ETV6: variants seen among roughly 807,000 people sequenced by gnomAD.
The protein encoded by ETV6 is transcription factor ETV6.
Under a neutral mutation model 51.1 loss-of-function variants are expected in ETV6, and 16 were observed. The ratio of observed to expected loss-of-function variants is 0.31; its 90% CI spans 0.21 to 0.48. ETV6 has a LOEUF of 0.48. ETV6 is among the 20% of genes least tolerant of loss of function. The probability of loss-of-function intolerance (pLI) is 0.99; values close to 1 mark genes in which losing one functional copy is unlikely to be tolerated. For missense variants in ETV6, 458 were observed against 594.8 expected (o/e 0.77, Z 2.39); for synonymous variants, 240 against 224.1 (o/e 1.07, Z -0.64).
rs1034743145 is a variant in ETV6, at chr12:11,892,361, G to A, written c.*1315G>A. 9.5e-5 allele frequency: 22 copies of A among 232,712 alleles called. No homozygotes were observed. Among genetic ancestry groups the A allele is most frequent in the African/African-American group, 2.9e-4 (13 of 45,170 alleles). 14.4% of individuals were successfully genotyped at this position (232,712 alleles called of 1,614,324 possible). On this transcript the variant is annotated 3_prime_UTR_variant, in exon 8 of 8. Coordinates refer to ENST00000396373, the MANE Select transcript of ETV6 (RefSeq NM_001987.5). ...AGCCTGGGCAGACAGGAAATTCCTC[G>A]GATACATTATTTTTTCTTTCTTTCA...
intron 1 of ETV6, among the ~76,000 whole-genome samples, chr12:11,733,407 CAAAAAA>C (rs11394100): frequency 1.7e-4 from 17 of 101,076 alleles, no homozygotes; most frequent in South Asian, 9.4e-4. Context: ...GACTCCATCT[CAAAAAA>C]AAAAAAAAAA....
At chr12:11,714,793 G>A (rs1029414247) in intron 1 of ETV6, among the ~76,000 whole-genome samples, 4 of 152,150 alleles carry the variant, frequency 2.6e-5, no homozygotes, top group African/African-American at 9.7e-5. Flanking sequence ...AGGGGCATGT[G>A]AGTTGCGTAT....
At chr12:11,781,049 C>T (rs1428415874) in intron 2 of ETV6, among the ~76,000 whole-genome samples, 1 of 152,156 alleles carries the variant, frequency 6.6e-6, no homozygotes, top group Admixed American at 6.5e-5. Flanking sequence ...ATTCTGTTTG[C>T]ATGCTAGGAA....
chr12:11,845,225 A>G (rs1247073703), intron 3 of ETV6, among the ~76,000 whole-genome samples: 1 of 152,226 alleles, frequency 6.6e-6, no homozygotes, highest in African/African-American at 2.4e-5. Flanking sequence ...AGTTTTAGCA[A>G]TGTTAAGGTT....
At chr12:11,872,822 C>A (rs1946903143) in intron 5 of ETV6, among the ~76,000 whole-genome samples, 1 of 152,076 alleles carries the variant, frequency 6.6e-6, no homozygotes, top group Admixed American at 6.6e-5. Flanking sequence ...TCATCTCATT[C>A]CCCAATATCA....
At chr12:11,680,726 G>T (rs578121754) in intron 1 of ETV6, among the ~76,000 whole-genome samples, 1 of 152,268 alleles carries the variant, frequency 6.6e-6, no homozygotes, top group South Asian at 2.1e-4. Flanking sequence ...ACTTCTACAT[G>T]CCTATGATCT....
At position 11,752,546 on chromosome 12, in the gene ETV6, G is replaced by C; in HGVS notation, c.130G>C (p.Glu44Gln). 6.2e-7 allele frequency: 1 copy of C among 1,613,658 alleles called. No individual in the cohort carries two copies. Among genetic ancestry groups the C allele is most frequent in the Non-Finnish European group, 8.5e-7 (1 of 1,179,966 alleles). The change falls in exon 2 of 8, where the codon GAG becomes CAG. Residue 44 changes from glutamate (E) to glutamine (Q), a missense_variant. Around this residue, in one of 4 missense-constraint regions of ETV6, gnomAD observed 84 missense variants for 75.9 expected, o/e 1.11. Coordinates refer to ENST00000396373, the MANE Select transcript of ETV6 (RefSeq NM_001987.5). The stretch of plus-strand genomic sequence containing the variant: ...TCCAGTGCCTCGAGCGCTCAGGATG[G>C]AGGAAGACTCGATCCGCCTGCCTGC... Reference protein sequence around the residue: ...HVPVPRALRMEEDSIRLPAHL... With the variant: ...HVPVPRALRMQEDSIRLPAHL...
chr12:11,841,899 G>A (rs548509382), intron 3 of ETV6, among the ~76,000 whole-genome samples: 15 of 152,008 alleles, frequency 9.9e-5, no homozygotes, highest in Middle Eastern at 3.4e-3. Flanking sequence ...CGGCTAAAAC[G>A]GTGAAACCCC....
At chr12:11,778,561 T>C (rs151122792) in intron 2 of ETV6, among the ~76,000 whole-genome samples, 1 of 152,330 alleles carries the variant, frequency 6.6e-6, no homozygotes, top group African/African-American at 2.4e-5. Flanking sequence ...AGTGAAAACC[T>C]ATGTGGATGT....
At chr12:11,862,602 C>G (rs1336643839) in intron 4 of ETV6, among the ~76,000 whole-genome samples, 1 of 152,148 alleles carries the variant, frequency 6.6e-6, no homozygotes, top group Non-Finnish European at 1.5e-5. Context: ...CCTTGGAGGT[C>G]TCTGCCTTCA....
chr12:11,742,806 T>TC (rs1555122222), intron 1 of ETV6, among the ~76,000 whole-genome samples: 3 of 10,878 alleles, frequency 2.8e-4, no homozygotes, highest in Non-Finnish European at 2.6e-3. Context: ...TCTTTCTTTC[T>TC]TTTTTTTTTT....
At chr12:11,868,744 T>G (rs1336264640) in intron 4 of ETV6, among the ~76,000 whole-genome samples, 1 of 152,070 alleles carries the variant, frequency 6.6e-6, no homozygotes, top group Non-Finnish European at 1.5e-5. Context: ...GTTGTGAAAA[T>G]GTAAGTCAAT....
intron 1 of ETV6, among the ~76,000 whole-genome samples, chr12:11,733,473 C>A (rs959381788): frequency 6.6e-6 from 1 of 151,750 alleles, no homozygotes; most frequent in East Asian, 1.9e-4. Flanking sequence ...GCCCCCGCAC[C>A]GTGTTTTCTG....
intron 1 of ETV6, among the ~76,000 whole-genome samples, chr12:11,684,224 G>T (rs1864586127): frequency 6.6e-6 from 1 of 152,206 alleles, no homozygotes; most frequent in Non-Finnish European, 1.5e-5. Context: ...TGATAAAGTG[G>T]CAGATAAATC....
At chr12:11,775,947 C>T (rs1157162468) in intron 2 of ETV6, among the ~76,000 whole-genome samples, 4 of 152,270 alleles carry the variant, frequency 2.6e-5, no homozygotes, top group African/African-American at 9.6e-5. Context: ...TCAGTCTCAC[C>T]AGCATTTCTA....
intron 2 of ETV6, among the ~76,000 whole-genome samples, chr12:11,755,572 T>G (rs1944995974): frequency 6.6e-6 from 1 of 152,144 alleles, no homozygotes; most frequent in Non-Finnish European, 1.5e-5. Flanking sequence ...TCATCCTGTT[T>G]GAGAGGAGCA....
chr12:11,846,961 C>A (rs1946475316), intron 3 of ETV6, among the ~76,000 whole-genome samples: 2 of 152,222 alleles, frequency 1.3e-5, no homozygotes, highest in Non-Finnish European at 2.9e-5. Flanking sequence ...CAAGGTCCAC[C>A]TTCCGGGTTC....
chr12:11,878,681 G>A (rs1178543556), intron 5 of ETV6, among the ~76,000 whole-genome samples: 1 of 151,938 alleles, frequency 6.6e-6, no homozygotes, highest in Non-Finnish European at 1.5e-5. Context: ...GTGCACATAT[G>A]TTTTCTGTTT....
intron 2 of ETV6, among the ~76,000 whole-genome samples, chr12:11,755,398 G>C (rs1187373043): frequency 3.9e-5 from 6 of 152,100 alleles, no homozygotes; most frequent in Non-Finnish European, 8.8e-5. Context: ...ACCTCTCCTT[G>C]GTAGTCTGCA....
Sources: allele counts gnomAD v4.1 joint callset (sites outside exome capture counted in the v4.1 genomes callset), GRCh38; gene constraint gnomAD v4.1.1; regional missense constraint gnomAD v4.1.1; transcripts MANE v1.5; gene names NCBI Gene and HGNC (gene_info 2026-07-23, HGNC 2026-07-21).